Variants in PCDH11X observed in about 807,000 individuals in gnomAD.
PCDH11X encodes protocadherin-11 X-linked.
Under a neutral mutation model 53.3 loss-of-function variants are expected in PCDH11X, and 18 were observed. The observed-to-expected ratio is 0.34, with a 90% confidence interval of 0.23 to 0.50. The LOEUF is 0.50. Ranked by LOEUF, PCDH11X falls within the 20% of genes least tolerant of loss-of-function variation. The pLI, the probability that PCDH11X is intolerant of heterozygous loss-of-function variation, is 0.98. For synonymous variants in PCDH11X, 279 were observed against 393.3 expected (o/e 0.71, Z 3.44); for missense variants, 570 against 1,032.4 (o/e 0.55, Z 6.14).
chrX:91,937,748 A>G (rs1450198230), intron 6 of PCDH11X, among the ~76,000 whole-genome samples: 2 of 111,033 alleles, frequency 1.8e-5, no homozygotes, highest in Admixed American at 1.9e-4. Flanking sequence ...TATTCATTGT[A>G]TAATTTCAAC....
chrX:92,426,195 A>G (rs1202811930), intron 9 of PCDH11X, among the ~76,000 whole-genome samples: 2 of 95,808 alleles, frequency 2.1e-5, no homozygotes, highest in Non-Finnish European at 4.2e-5. Flanking sequence ...CTATTAAGCT[A>G]TTAGACAATC....
At chrX:92,537,131 C>T (rs1175814976) in intron 10 of PCDH11X, among the ~76,000 whole-genome samples, 1 of 110,581 alleles carries the variant, frequency 9.0e-6, no homozygotes, top group African/African-American at 3.3e-5. Context: ...TATTTTCTCC[C>T]ATTTTGTGAG....
chrX:92,600,202 G>A (rs2148806666), intron 10 of PCDH11X, among the ~76,000 whole-genome samples: 1 of 104,259 alleles, frequency 9.6e-6, no homozygotes, highest in African/African-American at 3.7e-5. Flanking sequence ...AAAGCTGGCT[G>A]GGGAAAATTT....
intron 10 of PCDH11X, among the ~76,000 whole-genome samples, chrX:92,564,515 G>C (rs1415795242): frequency 9.5e-6 from 1 of 105,535 alleles, no homozygotes; most frequent in Non-Finnish European, 2.0e-5. Flanking sequence ...TATACACTGA[G>C]GAAAAGCCAC....
intron 6 of PCDH11X, among the ~76,000 whole-genome samples, chrX:91,905,045 A>G (rs1433005252): frequency 9.2e-6 from 1 of 108,808 alleles, no homozygotes; most frequent in Non-Finnish European, 1.9e-5. Context: ...AGAAACTCCA[A>G]GAAAAACTTC....
At position 91,829,639 on chromosome X, in the gene PCDH11X, T is replaced by C. The variant is rs369171022; in HGVS notation, c.-44-5822T>C. 1.6e-4 allele frequency among the ~76,000 whole-genome samples: 18 copies of C among 111,236 alleles called. No individual in the cohort carries two copies. In the East Asian group the frequency reaches 3.4e-3, roughly 21 times the overall value. Reference sequence around the variant, plus strand: ...TCACTTTCTGTTTCTTTCTCTTTTCTTTTGCAAACACTTTTCCTTTACACG... The same window carrying C: ...TCACTTTCTGTTTCTTTCTCTTTTCCTTTGCAAACACTTTTCCTTTACACG... On this transcript the variant is annotated intron_variant, in intron 4 of 10. Transcript: ENST00000682573.
rs928463735 is a variant in PCDH11X at position 92,442,871 on chromosome X, A to T, written c.3344-25428A>T. On this transcript the variant is annotated intron_variant, in intron 9 of 10. Transcript: ENST00000682573. ...GTTATTGTGAATATTGCTGCAACGA[A>T]CATGCTGTTGGCATGTGTCTTTTTG... 5.5e-5 allele frequency among the ~76,000 whole-genome samples: 6 copies of T among 108,257 alleles called. No individual in the cohort carries two copies. The Admixed American group carries it at 6.0e-4, about 11-fold the overall frequency. 94.0% of individuals were successfully genotyped at this position (108,257 alleles called of 115,157 possible).
At chrX:91,963,724 G>A (rs374517934) in intron 6 of PCDH11X, among the ~76,000 whole-genome samples, 5,231 of 110,738 alleles carry the variant, frequency 0.047, 344 homozygotes, top group African/African-American at 0.16. Context: ...GAATAAGGAC[G>A]TACCAGAGAC....
intron 6 of PCDH11X, among the ~76,000 whole-genome samples, chrX:92,191,244 CCTACAT>C (rs1251187622): frequency 8.9e-6 from 1 of 112,095 alleles, no homozygotes; most frequent in Non-Finnish European, 1.9e-5. Context: ...ATCTTTTTAA[CCTACAT>C]TTATTTCCAG....
At chrX:92,426,273 C>T (rs1479688513) in intron 9 of PCDH11X, among the ~76,000 whole-genome samples, 1 of 60,363 alleles carries the variant, frequency 1.7e-5, no homozygotes, top group Non-Finnish European at 3.0e-5. Context: ...ATAAATAGAG[C>T]GTAAATAGTA....
intron 10 of PCDH11X, among the ~76,000 whole-genome samples, chrX:92,540,203 G>A (rs1445007489): frequency 1.8e-5 from 2 of 110,932 alleles, no homozygotes; most frequent in Non-Finnish European, 3.8e-5. Context: ...GCCAGCAATT[G>A]TAGTACAAAA....
chrX:92,256,012 G>A (rs867229379), intron 7 of PCDH11X, among the ~76,000 whole-genome samples: 2 of 112,443 alleles, frequency 1.8e-5, no homozygotes, highest in African/African-American at 3.2e-5. Context: ...CCTGGGCAAT[G>A]GCGGGCGCCC....
intron 9 of PCDH11X, among the ~76,000 whole-genome samples, chrX:92,419,156 G>T (rs1410755767): frequency 4.8e-5 from 5 of 104,267 alleles, no homozygotes; most frequent in Non-Finnish European, 9.8e-5. Context: ...TATATTCCTT[G>T]TTCTGATGTC....
intron 8 of PCDH11X, among the ~76,000 whole-genome samples, chrX:92,341,927 A>C (rs1603279353): frequency 8.9e-6 from 1 of 112,451 alleles, no homozygotes; most frequent in East Asian, 2.8e-4. Context: ...GAAAATATTC[A>C]CAAACACAAA....
At chrX:92,244,697 A>C (rs781733284) in intron 7 of PCDH11X, among the ~76,000 whole-genome samples, 45 of 111,645 alleles carry the variant, frequency 4.0e-4, no homozygotes, top group Non-Finnish European at 7.1e-4. Context: ...AGATTAATAG[A>C]CTTAAGAACA....
At chrX:91,825,152 G>A (rs926939971) in intron 4 of PCDH11X, among the ~76,000 whole-genome samples, 1 of 109,981 alleles carries the variant, frequency 9.1e-6, no homozygotes, top group Non-Finnish European at 1.9e-5. Flanking sequence ...TGCCCCCAGA[G>A]GTGGAGCCTA....
rs145379428 is a variant in PCDH11X, at chrX:92,173,984, C to CAAAAA, written c.3034-27366_3034-27362dup. Reference sequence around the variant, plus strand: ...TGGGTGATAGAGTGAGACCCAGTCTCAAAAAAAAAAAAAAAAAAAAAAAAA... The same window carrying CAAAAA: ...TGGGTGATAGAGTGAGACCCAGTCTCAAAAAAAAAAAAAAAAAAAAAAAAAAAAAA... On this transcript the variant is annotated intron_variant, in intron 6 of 10. Transcript: ENST00000682573. Among the ~76,000 whole-genome samples, 9 of 29,563 alleles carry CAAAAA rather than the reference C, an allele frequency of 3.0e-4. 2 individuals are homozygous for CAAAAA. The highest frequency in any genetic ancestry group is 2.9e-4 in the African/African-American group (2 of 6,904). 25.7% of individuals were successfully genotyped at this position (29,563 alleles called of 115,157 possible).
intron 8 of PCDH11X, among the ~76,000 whole-genome samples, chrX:92,326,641 G>T (rs5941071): frequency 0.11 from 4,872 of 42,590 alleles, 814 homozygotes; most frequent in African/African-American, 0.15. Context: ...TATATATATA[G>T]AGAGAGAGAG....
chrX:91,823,318 T>C (rs974056890), intron 4 of PCDH11X, among the ~76,000 whole-genome samples: 2 of 110,659 alleles, frequency 1.8e-5, no homozygotes, highest in African/African-American at 3.3e-5. Context: ...TAAGTCTCTT[T>C]GTAGGTCACT....
Sources: gnomAD v4.1 joint callset for allele counts (sites outside exome capture counted in the v4.1 genomes callset) on GRCh38, gnomAD v4.1.1 for gene constraint, MANE v1.5 for transcripts, NCBI Gene and HGNC (gene_info 2026-07-23, HGNC 2026-07-21) for gene names.